The following CDC73 variants were observed in gnomAD, a reference collection of about 807,000 sequenced individuals.
The protein encoded by CDC73 is cell division cycle 73, also known as parafibromin.
A neutral mutation model predicts 83.7 loss-of-function variants in CDC73; 21 were observed. The observed-to-expected ratio is 0.25, with a 90% CI of 0.18 to 0.36. CDC73 has a LOEUF of 0.36. Among genes scored for constraint, CDC73 ranks in the 10% least tolerant of loss-of-function variants. The probability of loss-of-function intolerance (pLI) is 1.00; values close to 1 mark genes in which losing one functional copy is unlikely to be tolerated. For synonymous variants in CDC73, 224 were observed against 212.9 expected, an observed-to-expected ratio of 1.05 and a Z score of -0.45; for missense variants, 342 against 653.3, an observed-to-expected ratio of 0.52 and a Z score of 5.19.
At chr1:193,180,557 G>A (rs759326433) in intron 10 of CDC73, 6 of 1,613,890 alleles carry the variant, frequency 3.7e-6, no homozygotes, top group Non-Finnish European at 2.5e-6. Flanking sequence ...AAGTGCAAAC[G>A]GCGGATACCT....
intron 13 of CDC73, among the ~76,000 whole-genome samples, chr1:193,216,425 T>A (rs1558314116): frequency 6.6e-6 from 1 of 151,954 alleles, no homozygotes; most frequent in Admixed American, 6.6e-5. Flanking sequence ...CAATAATGAG[T>A]TCCGAATTTG....
intron 1 of CDC73, 139 bp from the exon 2 acceptor site, chr1:193,124,969 TATTC>T: frequency 3.0e-6 from 2 of 668,694 alleles, no homozygotes; most frequent in South Asian, 1.7e-5. Context: ...CATGACAGTC[TATTC>T]ATTATTAGAT....
intron 7 of CDC73, among the ~76,000 whole-genome samples, chr1:193,142,668 C>A (rs1675927342): frequency 6.6e-6 from 1 of 151,960 alleles, no homozygotes; most frequent in African/African-American, 2.4e-5. Context: ...TCCCTCTCTT[C>A]CTCCTTCCCT....
Position 193,242,847 on chromosome 1 carries a change from C to A in CDC73, c.1417+6491C>A, listed in dbSNP as rs368400241. On this transcript the variant is annotated intron_variant, in intron 15 of 16. Coordinates refer to ENST00000367435, the MANE Select transcript of CDC73 (RefSeq NM_024529.5). ...GCAGCATTCATGAAGTTTGCAAAAA[C>A]AAGCAATTCTGAGTTGTGTGAAATA... Among the ~76,000 whole-genome samples the A allele has an allele frequency of 3.3e-5, 5 of 152,258 alleles. No individual in the cohort carries two copies. The East Asian group carries it at 7.7e-4, about 23-fold the overall frequency.
At chr1:193,140,615 TCGATCTGATAACCGAGATGGCTATTAAG>T (rs1264706665) in intron 6 of CDC73, among the ~76,000 whole-genome samples, 1 of 152,192 alleles carries the variant, frequency 6.6e-6, no homozygotes, top group Non-Finnish European at 1.5e-5. Context: ...GCTGCCATAG[TCGATCTGATAACCGAGATGGCTATTAAG>T]CGACTAACAG....
At chr1:193,221,698 C>G (rs1259878352) in intron 13 of CDC73, among the ~76,000 whole-genome samples, 1 of 152,130 alleles carries the variant, frequency 6.6e-6, no homozygotes, top group Non-Finnish European at 1.5e-5. Context: ...ATTTTAGTGT[C>G]ATTCTCTTTA....
intron 2 of CDC73, among the ~76,000 whole-genome samples, chr1:193,127,335 A>G (rs1675597312): frequency 6.6e-6 from 1 of 151,328 alleles, no homozygotes; most frequent in Non-Finnish European, 1.5e-5. Flanking sequence ...CAATTGAGAA[A>G]GTATCCCGTC....
At chr1:193,132,553 T>C (rs1675714239) in intron 3 of CDC73, among the ~76,000 whole-genome samples, 1 of 151,954 alleles carries the variant, frequency 6.6e-6, no homozygotes, top group Non-Finnish European at 1.5e-5. Context: ...GCTCAAGCAG[T>C]CCTCCTCCCT....
At chr1:193,209,422 C>G (rs1171586571) in intron 11 of CDC73, among the ~76,000 whole-genome samples, 1 of 152,126 alleles carries the variant, frequency 6.6e-6, no homozygotes, top group East Asian at 1.9e-4. Flanking sequence ...ACTATTATCT[C>G]TTTTACGATT....
chr1:193,183,374 A>G (rs534892385), intron 10 of CDC73, among the ~76,000 whole-genome samples: 1 of 150,030 alleles, frequency 6.7e-6, no homozygotes, highest in Admixed American at 6.7e-5. Context: ...ATTTTGAAAG[A>G]TGTGAACAAT....
rs543601087 is a variant in CDC73, at chr1:193,195,404, G to A, written c.973-8391G>A. 4.6e-5 allele frequency among the ~76,000 whole-genome samples: 7 copies of A among 152,116 alleles called. No homozygotes were observed. In the Middle Eastern group the frequency reaches 0.014, roughly 298 times the overall value. On this transcript the variant is annotated intron_variant, in intron 10 of 16. Transcript: ENST00000367435. ...ATAATTTATCTGTTCATGTGTTGAC[G>A]TTCATTAGAGTTATTCCTACTTTTT...
intron 13 of CDC73, among the ~76,000 whole-genome samples, chr1:193,224,750 C>T (rs1677537047): frequency 6.6e-6 from 1 of 152,170 alleles, no homozygotes; most frequent in South Asian, 2.1e-4. Context: ...AGAAATCTTA[C>T]ATGGTTTTAT....
intron 10 of CDC73, among the ~76,000 whole-genome samples, chr1:193,166,939 C>A (rs1392012308): frequency 6.6e-6 from 1 of 152,076 alleles, no homozygotes; most frequent in Non-Finnish European, 1.5e-5. Flanking sequence ...AATGGAATTT[C>A]TTTTTGGGTG....
chr1:193,140,239 T>C (rs569096514), intron 6 of CDC73, among the ~76,000 whole-genome samples: 65 of 152,352 alleles, frequency 4.3e-4, no homozygotes, highest in African/African-American at 1.4e-3. Flanking sequence ...ATATCTAGCA[T>C]CTAGTAAACC....
chr1:193,204,288 T>TG (rs553498877), intron 11 of CDC73, among the ~76,000 whole-genome samples: 1 of 124,756 alleles, frequency 8.0e-6, no homozygotes. Flanking sequence ...TATATATATA[T>TG]TTTTTTTTTT....
rs1678038694 is a variant in CDC73, at chr1:193,251,232, G to C, written c.*520G>C. On this transcript the variant is annotated 3_prime_UTR_variant, in exon 17 of 17. Transcript: ENST00000367435. ...TTACTCATTATTTAAAAAGAATAATGAAAAATCTAGATCAATTCTTCAATT... is the reference window on the plus strand; with the variant it reads ...TTACTCATTATTTAAAAAGAATAATCAAAAATCTAGATCAATTCTTCAATT... The C allele has an allele frequency of 4.3e-6, 1 of 232,296 alleles. No homozygotes were observed. The highest frequency in any genetic ancestry group is 6.1e-5 in the East Asian group (1 of 16,340). The allele number at this position is 232,296 out of a possible 1,614,324, so 14.4% of individuals were successfully genotyped here.
chr1:193,151,581 A>G (rs1161302993), intron 9 of CDC73, among the ~76,000 whole-genome samples: 1 of 152,174 alleles, frequency 6.6e-6, no homozygotes, highest in Non-Finnish European at 1.5e-5. Context: ...GCATATTGGG[A>G]TTCTGTCCTG....
intron 6 of CDC73, among the ~76,000 whole-genome samples, chr1:193,138,915 C>G (rs751565263): frequency 6.6e-6 from 1 of 151,578 alleles, no homozygotes; most frequent in Non-Finnish European, 1.5e-5. Context: ...GCTGGGATTA[C>G]AGGCGCCTGC....
rs896564317 is a variant in CDC73 at position 193,216,639 on chromosome 1, T to TA, written c.1154+4176dup. On this transcript the variant is annotated intron_variant, in intron 13 of 16. Transcript: ENST00000367435. ...TACCAAAACCTGGCAGAGAGACAAT[T>TA]AAAAAAAAAAAAAACCTGCTGGCCA... Among the ~76,000 whole-genome samples the TA allele has an allele frequency of 4.8e-3, 704 of 145,576 alleles. 6 individuals carry two copies. The highest frequency in any genetic ancestry group is 0.016 in the African/African-American group (613 of 39,084).
Sources: allele counts gnomAD v4.1 joint callset (sites outside exome capture counted in the v4.1 genomes callset), GRCh38; gene constraint gnomAD v4.1.1; transcripts MANE v1.5; gene names NCBI Gene and HGNC (gene_info 2026-07-23, HGNC 2026-07-21).